Variants in ADGRL2 observed in about 807,000 individuals in gnomAD.
ADGRL2 encodes the protein calcium-independent alpha-latrotoxin receptor 2.
ADGRL2 carries 44 observed loss-of-function variants against 157.4 expected under a neutral mutation model. The observed-to-expected ratio is 0.28, with a 90% CI of 0.22 to 0.36. ADGRL2 has a LOEUF of 0.36. Ranked by LOEUF, ADGRL2 falls within the 10% of genes least tolerant of loss-of-function variation. The pLI is 1.00. For synonymous variants in ADGRL2, 585 were observed against 624.7 expected, an observed-to-expected ratio of 0.94 and a Z score of 0.95; for missense variants, 1,510 against 1,768.9, an observed-to-expected ratio of 0.85 and a Z score of 2.63.
At chr1:81,510,594 A>G (rs1230349503) in intron 2 of ADGRL2, among the ~76,000 whole-genome samples, 3 of 152,196 alleles carry the variant, frequency 2.0e-5, no homozygotes, top group Non-Finnish European at 4.4e-5. Flanking sequence ...CATTGGCGAT[A>G]ATATTGATTT....
intron 1 of ADGRL2, among the ~76,000 whole-genome samples, chr1:81,405,102 C>G (rs370092046): frequency 5.4e-4 from 82 of 152,286 alleles, no homozygotes; most frequent in Middle Eastern, 6.8e-3. Context: ...AGTACATATA[C>G]TGCCCTGAAT....
At chr1:81,427,310 T>A in intron 1 of ADGRL2, 1 of 724,534 alleles carries the variant, frequency 1.4e-6, no homozygotes, top group Non-Finnish European at 2.5e-6. Context: ...TGGTGGCAAC[T>A]ATGACAGTCG....
chr1:81,539,646 C>T (rs2079834375), intron 2 of ADGRL2, among the ~76,000 whole-genome samples: 1 of 152,096 alleles, frequency 6.6e-6, no homozygotes, highest in Admixed American at 6.6e-5. Flanking sequence ...TAGAAGTTCT[C>T]CCAGCATTCT....
intron 3 of ADGRL2, among the ~76,000 whole-genome samples, chr1:81,694,535 A>C (rs1198082878): frequency 6.6e-6 from 1 of 152,082 alleles, no homozygotes; most frequent in African/African-American, 2.4e-5. Context: ...GCATCAAAAT[A>C]AGATCATATA....
At chr1:81,323,046 C>T (rs1233209702) in intron 1 of ADGRL2, among the ~76,000 whole-genome samples, 9 of 151,870 alleles carry the variant, frequency 5.9e-5, no homozygotes, top group Non-Finnish European at 1.0e-4. Flanking sequence ...TTAGTAGAGA[C>T]GGGGTTTCGC....
At chr1:81,789,513 G>T (rs1034881202) in intron 2 of ADGRL2, among the ~76,000 whole-genome samples, 7 of 151,902 alleles carry the variant, frequency 4.6e-5, no homozygotes, top group South Asian at 2.1e-4. Context: ...AGATCACGAG[G>T]TCAGGAGATT....
chr1:81,768,731 T>C (rs1051716574), intron 2 of ADGRL2, among the ~76,000 whole-genome samples: 2 of 152,124 alleles, frequency 1.3e-5, no homozygotes, highest in Non-Finnish European at 2.9e-5. Context: ...CCTTAGCCTC[T>C]CAAAGTGCTG....
intron 2 of ADGRL2, among the ~76,000 whole-genome samples, chr1:81,561,754 C>T (rs1466271585): frequency 6.6e-6 from 1 of 152,132 alleles, no homozygotes. Context: ...GCCACCACTC[C>T]TGGCCTTTTC....
intron 1 of ADGRL2, among the ~76,000 whole-genome samples, chr1:81,712,296 A>C (rs926820319): frequency 6.6e-6 from 1 of 152,210 alleles, no homozygotes; most frequent in African/African-American, 2.4e-5. Flanking sequence ...GGTAAGCCAG[A>C]TGTCATCTTT....
At chr1:81,382,964 T>G (rs192145162) in intron 1 of ADGRL2, among the ~76,000 whole-genome samples, 2 of 152,334 alleles carry the variant, frequency 1.3e-5, no homozygotes, top group Non-Finnish European at 2.9e-5. Context: ...CTTGTATGCC[T>G]AGCATTTACA....
intron 19 of ADGRL2, among the ~76,000 whole-genome samples, chr1:81,983,463 T>C (rs1662229864): frequency 6.6e-6 from 1 of 152,058 alleles, no homozygotes; most frequent in African/African-American, 2.4e-5. Flanking sequence ...GTAAGTGCGC[T>C]TAGATTTAAA....
intron 19 of ADGRL2, chr1:81,984,258 T>C (rs1662486025): frequency 6.1e-6 from 1 of 163,060 alleles, no homozygotes; most frequent in Non-Finnish European, 1.3e-5. Flanking sequence ...AAATTGGAGT[T>C]ACTAAATATA....
chr1:81,343,074 TTTTTTCTTTTTTCTTTTC>T (rs1662195790), intron 1 of ADGRL2, among the ~76,000 whole-genome samples: 1 of 82,590 alleles, frequency 1.2e-5, no homozygotes, highest in Non-Finnish European at 2.9e-5. Context: ...TTTCTTTTCT[TTTTTTCTTTTTTCTTTTC>T]TTTTTTTTTT....
chr1:81,805,470 A>G (rs573446003), intron 1 of ADGRL2, among the ~76,000 whole-genome samples: 2 of 152,148 alleles, frequency 1.3e-5, no homozygotes, highest in East Asian at 3.9e-4. Flanking sequence ...CCTTTCATTT[A>G]CTAATGTTCA....
chr1:81,565,412 T>C (rs1043622504), intron 2 of ADGRL2, among the ~76,000 whole-genome samples: 1 of 152,198 alleles, frequency 6.6e-6, no homozygotes, highest in African/African-American at 2.4e-5. Flanking sequence ...AACTGTGTTG[T>C]TAACAGTATT....
chr1:81,950,586 A>C, intron 7 of ADGRL2, 104 bp downstream of exon 7: 1 of 1,111,602 alleles, frequency 9.0e-7, no homozygotes, highest in Non-Finnish European at 1.3e-6. Flanking sequence ...TACAGTAGCT[A>C]ACTTTATTTT....
chr1:81,501,442 GACTTGA>G (rs1431671408), intron 2 of ADGRL2, among the ~76,000 whole-genome samples: 2 of 152,210 alleles, frequency 1.3e-5, no homozygotes, highest in Non-Finnish European at 2.9e-5. Flanking sequence ...GAGCTGCTGT[GACTTGA>G]AATTCCATTT....
chr1:81,557,209 C>G lies in ADGRL2; in HGVS notation c.-247-23667C>G, dbSNP rs537087378. 9 of 183,852 alleles carry G rather than the reference C, an allele frequency of 4.9e-5. No homozygotes were observed. In the East Asian group the frequency reaches 1.3e-3, roughly 27 times the overall value. 11.4% of individuals were successfully genotyped at this position (183,852 alleles called of 1,614,324 possible). A position where few individuals can be genotyped will look rare whatever the true frequency, so the allele number is the denominator to read the frequency against. On this transcript the variant is annotated intron_variant, in intron 2 of 24. Transcript: ENST00000370721. ...GGGATACCGATGCTGGCCGGCTTTT[C>G]AAGCTGAACGTTGATGTCCTCCAGC...
chr1:81,426,592 C>T (rs1182515893), intron 1 of ADGRL2: 29 of 472,372 alleles, frequency 6.1e-5, no homozygotes, highest in South Asian at 3.2e-4. Flanking sequence ...AGCTTTGAAA[C>T]GACAGATGAT....
Sources: gnomAD v4.1 joint callset for allele counts (sites outside exome capture counted in the v4.1 genomes callset) on GRCh38, gnomAD v4.1.1 for gene constraint, MANE v1.5 for transcripts, NCBI Gene and HGNC (gene_info 2026-07-23, HGNC 2026-07-21) for gene names.